CDH18: variants seen among roughly 807,000 people sequenced by gnomAD.
CDH18 encodes the protein cadherin-18.
A neutral mutation model predicts 67.9 loss-of-function variants in CDH18; 31 were observed. The observed-to-expected ratio is 0.46, with a 90% CI of 0.34 to 0.62. The LOEUF is 0.62. CDH18 is among the 20% of genes least tolerant of loss of function. The pLI is 0.01. For synonymous variants in CDH18, 362 were observed against 347.2 expected (o/e 1.04, Z -0.48); for missense variants, 890 against 975.5 (o/e 0.91, Z 1.17).
rs140608046 is a variant in CDH18 at position 20,099,622 on chromosome 5, A to T, written c.-517-107608T>A. Among the ~76,000 whole-genome samples the T allele has an allele frequency of 2.4e-4, 36 of 152,318 alleles. No individual in the cohort carries two copies. In the East Asian group the frequency reaches 6.8e-3, roughly 29 times the overall value. Reference sequence around the variant, plus strand: ...AAGAAGAATGATGGCCTCTAGGGTAACAATTAGCTTTGTTTATTAATTTTT... The same window carrying T: ...AAGAAGAATGATGGCCTCTAGGGTATCAATTAGCTTTGTTTATTAATTTTT... On this transcript the variant is annotated intron_variant, in intron 2 of 14. Transcript: ENST00000507958.
At chr5:20,424,821 A>G (rs915802496) in intron 1 of CDH18, among the ~76,000 whole-genome samples, 33 of 149,744 alleles carry the variant, frequency 2.2e-4, no homozygotes, top group Non-Finnish European at 1.0e-4. Flanking sequence ...ACTAGGAAAA[A>G]CAAGAGAGAG....
intron 1 of CDH18, among the ~76,000 whole-genome samples, chr5:20,362,117 T>C (rs914521102): frequency 2.6e-5 from 4 of 152,146 alleles, no homozygotes; most frequent in African/African-American, 9.7e-5. Flanking sequence ...AGGAATGTAA[T>C]TTAGTCAGGC....
chr5:19,899,722 T>G (rs967655664), intron 2 of CDH18, among the ~76,000 whole-genome samples: 4 of 151,446 alleles, frequency 2.6e-5, no homozygotes, highest in Admixed American at 6.6e-5. Context: ...GATGAATGAA[T>G]AAAGAAAATG....
intron 2 of CDH18, among the ~76,000 whole-genome samples, chr5:19,944,160 C>A (rs1218328885): frequency 6.6e-6 from 1 of 152,002 alleles, no homozygotes; most frequent in African/African-American, 2.4e-5. Flanking sequence ...TGTTCGTTTC[C>A]CACTACTCCT....
chr5:19,646,333 A>G (rs748163379), intron 5 of CDH18, among the ~76,000 whole-genome samples: 1 of 152,058 alleles, frequency 6.6e-6, no homozygotes, highest in Non-Finnish European at 1.5e-5. Context: ...ATAAACTTAA[A>G]TTATTATTAT....
chr5:20,241,861 A>AG (rs57928837), intron 2 of CDH18, among the ~76,000 whole-genome samples: 1 of 127,294 alleles, frequency 7.9e-6, no homozygotes, highest in African/African-American at 3.2e-5. Context: ...CAAAAAAAAA[A>AG]AAAATAAAAT....
intron 12 of CDH18, among the ~76,000 whole-genome samples, chr5:19,477,274 C>T (rs1187030101): frequency 6.6e-6 from 1 of 151,338 alleles, no homozygotes; most frequent in Non-Finnish European, 1.5e-5. Flanking sequence ...AAATTCAAAT[C>T]AACTCAGAAA....
chr5:20,416,136 G>C (rs1343527808), intron 1 of CDH18, among the ~76,000 whole-genome samples: 2 of 152,068 alleles, frequency 1.3e-5, no homozygotes, highest in Non-Finnish European at 2.9e-5. Flanking sequence ...ATCATGTTAA[G>C]TGTTCTTTCT....
chr5:20,481,990 A>G (rs976588744), intron 1 of CDH18, among the ~76,000 whole-genome samples: 2 of 152,022 alleles, frequency 1.3e-5, no homozygotes, highest in Non-Finnish European at 2.9e-5. Flanking sequence ...GAAAAAATAT[A>G]AAAGATCAAT....
intron 11 of CDH18, among the ~76,000 whole-genome samples, chr5:19,492,129 A>C (rs1741578440): frequency 6.6e-6 from 1 of 152,172 alleles, no homozygotes; most frequent in African/African-American, 2.4e-5. Flanking sequence ...GAACCCTGTA[A>C]ACAGAGATAG....
intron 1 of CDH18, among the ~76,000 whole-genome samples, chr5:20,427,578 G>T (rs1390479376): frequency 6.6e-6 from 1 of 150,964 alleles, no homozygotes; most frequent in Non-Finnish European, 1.5e-5. Context: ...GCTTATACTT[G>T]GTGAATTTTT....
At chr5:20,225,337 C>A (rs75096627) in intron 2 of CDH18, among the ~76,000 whole-genome samples, 2,299 of 152,098 alleles carry the variant, frequency 0.015, 73 homozygotes, top group African/African-American at 0.053. Context: ...TACAAAATCC[C>A]TGAGATAAAG....
At chr5:20,442,137 T>C (rs1387309159) in intron 1 of CDH18, among the ~76,000 whole-genome samples, 4 of 151,866 alleles carry the variant, frequency 2.6e-5, no homozygotes, top group African/African-American at 7.3e-5. Context: ...CCGTGGTATT[T>C]GTTGAGTAAA....
intron 1 of CDH18, among the ~76,000 whole-genome samples, chr5:20,416,768 G>A (rs530239265): frequency 6.6e-6 from 1 of 152,154 alleles, no homozygotes; most frequent in East Asian, 1.9e-4. Context: ...TTCTTGATAT[G>A]AAGTGGTATG....
At chr5:20,303,990 G>A in intron 1 of CDH18, 2 of 966,476 alleles carry the variant, frequency 2.1e-6, no homozygotes, top group Non-Finnish European at 3.3e-6. Flanking sequence ...CTAAGTCGAA[G>A]GGATGGTGGA....
intron 2 of CDH18, among the ~76,000 whole-genome samples, chr5:20,083,071 T>A (rs770578102): frequency 5.9e-5 from 9 of 152,188 alleles, no homozygotes; most frequent in Non-Finnish European, 1.0e-4. Flanking sequence ...TTACATTGCA[T>A]TTCCAACAGG....
intron 5 of CDH18, among the ~76,000 whole-genome samples, chr5:19,689,074 A>T (rs1761499845): frequency 6.6e-6 from 1 of 152,102 alleles, no homozygotes. Flanking sequence ...GGGATGTTCC[A>T]AAGGCAAAGA....
chr5:19,622,943 G>A (rs1374348140), intron 5 of CDH18, among the ~76,000 whole-genome samples: 1 of 152,126 alleles, frequency 6.6e-6, no homozygotes, highest in Admixed American at 6.6e-5. Context: ...CTCCATAGTA[G>A]TTTGATTTAC....
intron 2 of CDH18, among the ~76,000 whole-genome samples, chr5:20,014,737 T>C (rs1407900706): frequency 6.6e-6 from 1 of 152,174 alleles, no homozygotes; most frequent in African/African-American, 2.4e-5. Context: ...TCCAGAAAGT[T>C]GGAGCCTCCG....
Sources: gnomAD v4.1 joint callset for allele counts (sites outside exome capture counted in the v4.1 genomes callset) on GRCh38, gnomAD v4.1.1 for gene constraint, MANE v1.5 for transcripts, NCBI Gene and HGNC (gene_info 2026-07-23, HGNC 2026-07-21) for gene names.